BLNK: variants seen among roughly 807,000 people sequenced by gnomAD.
BLNK encodes the protein B-cell linker protein.
Under a neutral mutation model 73.5 loss-of-function variants are expected in BLNK, and 29 were observed. The ratio of observed to expected loss-of-function variants is 0.39; its 90% CI spans 0.29 to 0.54. The LOEUF is 0.54. BLNK is among the 20% of genes least tolerant of loss of function. The probability of loss-of-function intolerance (pLI) is 0.61; values close to 1 mark genes in which losing one functional copy is unlikely to be tolerated. For missense variants in BLNK, 460 were observed against 562.8 expected, an observed-to-expected ratio of 0.82 and a Z score of 1.85; for synonymous variants, 176 against 200.8, an observed-to-expected ratio of 0.88 and a Z score of 1.04.
intron 1 of BLNK, among the ~76,000 whole-genome samples, chr10:96,258,301 T>C (rs1843604762): frequency 6.6e-6 from 1 of 152,182 alleles, no homozygotes; most frequent in South Asian, 2.1e-4. Context: ...GTTAGTGGCC[T>C]TCTCCTCCAT....
At position 96,196,948 on chromosome 10, in the gene BLNK, G is replaced by C; in HGVS notation, c.1211C>G (p.Thr404Arg). 6.2e-7 allele frequency: 1 copy of C among 1,613,324 alleles called. No homozygotes were observed. The highest frequency in any genetic ancestry group is 8.5e-7 in the Non-Finnish European group (1 of 1,179,704). ...YNIPVRFIEA[T>R]KQYALGRKKN... ...CTTTCTGCCCAAGGCATATTGTTTT[G>C]TTGCTTCAATAAATCGCACAGGAAT... Residue 404 changes from threonine (T) to arginine (R), a missense_variant, in exon 16 of 17, where the codon ACA becomes AGA. Coordinates refer to ENST00000224337, the MANE Select transcript of BLNK (RefSeq NM_013314.4).
intron 12 of BLNK, 112 bp downstream of exon 12, chr10:96,204,420 G>C: frequency 4.9e-6 from 6 of 1,225,438 alleles, no homozygotes; most frequent in Non-Finnish European, 7.2e-6. Flanking sequence ...ACAATGAAAT[G>C]TTGGATTTTT....
intron 4 of BLNK, 114 bp from the exon 5 acceptor site, chr10:96,227,680 G>A (rs1554902882): frequency 2.6e-6 from 4 of 1,528,642 alleles, no homozygotes; most frequent in African/African-American, 2.7e-5. Context: ...GGCTTGGAGA[G>A]GTTGACTTCA....
chr10:96,242,697 A>T (rs587736698), intron 3 of BLNK, 38 bp downstream of exon 3: 4 of 1,563,126 alleles, frequency 2.6e-6, no homozygotes, highest in South Asian at 1.1e-5. Flanking sequence ...ACATTAAATT[A>T]GTCAAGAGTC....
intron 3 of BLNK, among the ~76,000 whole-genome samples, chr10:96,241,169 A>T (rs1215003153): frequency 6.6e-6 from 1 of 152,228 alleles, no homozygotes; most frequent in Non-Finnish European, 1.5e-5. Context: ...GAGGAACTGC[A>T]CTATCTGACT....
intron 1 of BLNK, among the ~76,000 whole-genome samples, chr10:96,252,487 TG>T (rs1843326782): frequency 6.6e-6 from 1 of 152,164 alleles, no homozygotes; most frequent in Non-Finnish European, 1.5e-5. Context: ...AATACCTGTT[TG>T]GGGGAAAAAC....
At chr10:96,236,437 T>G (rs1842694362) in intron 3 of BLNK, among the ~76,000 whole-genome samples, 1 of 152,074 alleles carries the variant, frequency 6.6e-6, no homozygotes, top group Admixed American at 6.6e-5. Context: ...AGTGCCGCCC[T>G]AAGAGGAGAA....
At chr10:96,241,956 G>A (rs892497375) in intron 3 of BLNK, among the ~76,000 whole-genome samples, 6 of 152,248 alleles carry the variant, frequency 3.9e-5, no homozygotes, top group Non-Finnish European at 8.8e-5. Flanking sequence ...CTGGGCTCAA[G>A]CAATCTGCCT....
Position 96,224,081 on chromosome 10 carries a change from C to T in BLNK, c.362-92G>A, listed in dbSNP as rs587613245. ...TTGAGATCCAGAAAGTATAAAACCA[C>T]GGGTGTCTATGTAGCCACAAATGAT... On this transcript the variant is annotated intron_variant, in intron 5 of 16. Transcript: ENST00000224337. The T allele has an allele frequency of 3.9e-5, 56 of 1,454,538 alleles. No individual in the cohort carries two copies. In the East Asian group the frequency reaches 5.0e-4, roughly 13 times the overall value. The allele number at this position is 1,454,538 out of a possible 1,614,324, so 90.1% of individuals were successfully genotyped here.
intron 1 of BLNK, 103 bp from the exon 2 acceptor site, chr10:96,247,152 C>A: frequency 1.3e-6 from 1 of 749,178 alleles, no homozygotes; most frequent in South Asian, 1.7e-5. Context: ...AAAACTCTAC[C>A]AAAACAACCT....
chr10:96,204,227 T>G, intron 12 of BLNK, 139 bp from the exon 13 acceptor site: 1 of 963,166 alleles, frequency 1.0e-6, no homozygotes, highest in Non-Finnish European at 1.6e-6. Flanking sequence ...TATCTAAAGA[T>G]AAAAGAGCCA....
At chr10:96,240,100 A>G (rs1334721910) in intron 3 of BLNK, among the ~76,000 whole-genome samples, 1 of 151,832 alleles carries the variant, frequency 6.6e-6, no homozygotes, top group Non-Finnish European at 1.5e-5. Context: ...CCACCATTGC[A>G]CTCTTCCATC....
chr10:96,204,065 G>T lies in BLNK; in HGVS notation c.926C>A (p.Pro309His), dbSNP rs1177361907. ...GGCTTCGTTGTACTTACTTGGCAGA[G>T]GTATGGGTTTTTGGTGGATTTGTCT... ...AQKQIHQKPI[P>H]LPRFTEGGNP... The change falls in exon 13 of 17, where the codon CCT (proline) becomes CAT (histidine). Residue 309 changes from proline to histidine, a missense_variant. Physicochemically the swap from Pro to His is moderately conservative, Grantham distance 77. Coordinates refer to ENST00000224337, the MANE Select transcript of BLNK (RefSeq NM_013314.4). The T allele has an allele frequency of 6.2e-7, 1 of 1,613,648 alleles. No homozygotes were observed. Among genetic ancestry groups the T allele is most frequent in the Non-Finnish European group, 8.5e-7 (1 of 1,179,596 alleles).
At chr10:96,202,974 CCA>C (rs1234631539) in intron 13 of BLNK, among the ~76,000 whole-genome samples, 5 of 152,188 alleles carry the variant, frequency 3.3e-5, no homozygotes, top group African/African-American at 1.2e-4. Context: ...TTACTCTCTG[CCA>C]CCCACCCCTG....
Position 96,227,475 on chromosome 10 carries a change from G to T in BLNK, c.296C>A (p.Pro99His). Residue 99 changes from proline (P) to histidine (H), a missense_variant, in exon 5 of 17, where the codon CCT becomes CAT. Transcript: ENST00000224337. ...EENADDSYEP[P>H]PVEQETRPVH... ...CGGCCTGGTTTCCTGCTCTACTGGA[G>T]GCGGCTCGTAGCTGTCATCAGCGTT... The T allele has an allele frequency of 6.2e-7, 1 of 1,614,234 alleles. No homozygotes were observed. Among genetic ancestry groups the T allele is most frequent in the Non-Finnish European group, 8.5e-7 (1 of 1,180,048 alleles).
intron 1 of BLNK, among the ~76,000 whole-genome samples, chr10:96,267,900 A>G (rs1164919941): frequency 1.3e-5 from 2 of 152,226 alleles, no homozygotes; most frequent in African/African-American, 4.8e-5. Context: ...AAAGTCCTAT[A>G]ATCACTATGT....
chr10:96,202,854 G>A (rs372815683), intron 13 of BLNK, among the ~76,000 whole-genome samples: 3 of 152,112 alleles, frequency 2.0e-5, no homozygotes, highest in African/African-American at 2.4e-5. Context: ...TTCAACATGC[G>A]TGCATCTCGT....
At chr10:96,223,780 AC>A (rs782428399) in intron 6 of BLNK, 45 bp downstream of exon 6, 12 of 1,609,436 alleles carry the variant, frequency 7.5e-6, no homozygotes, top group Admixed American at 6.7e-5. Context: ...CGCTTGCCCC[AC>A]CCCCCTCTGT....
chr10:96,262,370 T>C (rs782024305), intron 1 of BLNK, among the ~76,000 whole-genome samples: 1 of 152,198 alleles, frequency 6.6e-6, no homozygotes, highest in African/African-American at 2.4e-5. Context: ...ATTGAGCTCT[T>C]ACTCTCCGGT....
Sources: allele counts gnomAD v4.1 joint callset (sites outside exome capture counted in the v4.1 genomes callset), GRCh38; gene constraint gnomAD v4.1.1; transcripts MANE v1.5; gene names NCBI Gene and HGNC (gene_info 2026-07-23, HGNC 2026-07-21).